The following TLE1 variants were observed in gnomAD, a reference collection of about 807,000 sequenced individuals.
TLE1 encodes TLE family member 1, transcriptional corepressor.
A neutral mutation model predicts 89.8 loss-of-function variants in TLE1; 21 were observed. The ratio of observed to expected loss-of-function variants is 0.23; its 90% CI spans 0.17 to 0.34. TLE1 has a LOEUF of 0.34. TLE1 is among the 10% of genes least tolerant of loss of function. The pLI is 1.00. For synonymous variants in TLE1, 447 were observed against 407.6 expected (o/e 1.10, Z -1.16); for missense variants, 795 against 1,031.2 (o/e 0.77, Z 3.14).
At position 81,611,968 on chromosome 9, in the gene TLE1, A is replaced by C. The variant is rs750486468; in HGVS notation, c.1064-9T>G. On this transcript the variant is annotated splice_polypyrimidine_tract_variant and intron_variant, in intron 12 of 19. Coordinates refer to ENST00000376499, the MANE Select transcript of TLE1 (RefSeq NM_005077.5). ...TGTCCTCAAGCCAGCTGCTGAAAGG[A>C]AACACAAGCCGCACATCATTCAACT... is the stretch of plus-strand genomic sequence containing the variant. 23 of 1,437,364 alleles carry C rather than the reference A, an allele frequency of 1.6e-5. No homozygotes were observed. The highest frequency in any genetic ancestry group is 1.8e-5 in the Non-Finnish European group (20 of 1,093,576). 89.0% of individuals were successfully genotyped at this position (1,437,364 alleles called of 1,614,324 possible). A position where few individuals can be genotyped will look rare whatever the true frequency, so the allele number is the denominator to read the frequency against.
chr9:81,616,452 T>C (rs182044087), intron 10 of TLE1, among the ~76,000 whole-genome samples, 194 bp downstream of exon 10: 2 of 152,342 alleles, frequency 1.3e-5, no homozygotes, highest in East Asian at 3.9e-4. Context: ...AATATCTTTT[T>C]TTAAAGGAAA....
At chr9:81,585,396 G>A in intron 18 of TLE1, 109 bp downstream of exon 18, 1 of 1,359,602 alleles carries the variant, frequency 7.4e-7, no homozygotes, top group Non-Finnish European at 1.0e-6. Context: ...ATTGCATCCA[G>A]CTGCTCGGAG....
intron 1 of TLE1, 24 bp from the exon 2 acceptor site, chr9:81,687,458 C>A (rs1298068324): frequency 6.3e-7 from 1 of 1,582,414 alleles, no homozygotes; most frequent in Admixed American, 1.7e-5. Flanking sequence ...GCGAGGGGGA[C>A]CGAGGGACGG....
intron 12 of TLE1, among the ~76,000 whole-genome samples, chr9:81,612,826 G>A (rs1014771382): frequency 6.6e-6 from 1 of 152,350 alleles, no homozygotes; most frequent in East Asian, 1.9e-4. Flanking sequence ...GGGAGGCCGA[G>A]ATGGGCAGAT....
intron 9 of TLE1, among the ~76,000 whole-genome samples, chr9:81,617,679 C>A (rs1178492021): frequency 6.6e-6 from 1 of 151,906 alleles, no homozygotes; most frequent in Non-Finnish European, 1.5e-5. Flanking sequence ...TCTGGCCTAG[C>A]CGACATAGCA....
chr9:81,685,780 C>T, intron 3 of TLE1, 53 bp downstream of exon 3: 2 of 1,612,152 alleles, frequency 1.2e-6, no homozygotes, highest in South Asian at 2.2e-5. Flanking sequence ...ACTCTGCTAA[C>T]ACGTTTGCTA....
intron 4 of TLE1, among the ~76,000 whole-genome samples, chr9:81,683,953 G>A (rs561356946): frequency 1.4e-4 from 22 of 152,084 alleles, no homozygotes; most frequent in African/African-American, 5.3e-4. Flanking sequence ...GAACCCAGAA[G>A]AATTACACAC....
intron 4 of TLE1, among the ~76,000 whole-genome samples, chr9:81,675,460 G>A (rs55688019): frequency 0.055 from 8,354 of 152,066 alleles, 344 homozygotes; most frequent in Non-Finnish European, 0.081. Context: ...GGACAGTAAT[G>A]CCTGCACATG....
chr9:81,648,623 A>G (rs994182461), intron 6 of TLE1, among the ~76,000 whole-genome samples: 15 of 152,236 alleles, frequency 9.9e-5, no homozygotes, highest in Non-Finnish European at 1.8e-4. Flanking sequence ...CAATTATTCA[A>G]TATCTATCAG....
rs920783134 is a variant in TLE1, at chr9:81,612,301, T to C, written c.1064-342A>G. 1.5e-5 allele frequency: 16 copies of C among 1,068,830 alleles called. No individual in the cohort carries two copies. The Admixed American group carries it at 4.3e-4, about 29-fold the overall frequency. 66.2% of individuals were successfully genotyped at this position (1,068,830 alleles called of 1,614,324 possible). A position where few individuals can be genotyped will look rare whatever the true frequency, so the allele number is the denominator to read the frequency against. ...GGCACCAAGTGTTTACCTGACTTAA[T>C]CTCAAAAGAAGATTTTCTCGATAAA... is the stretch of plus-strand genomic sequence containing the variant. On this transcript the variant is annotated intron_variant, in intron 12 of 19. Transcript: ENST00000376499.
chr9:81,611,940 G>A lies in TLE1; in HGVS notation c.1083C>T (p.Pro361=). 6.8e-7 allele frequency: 1 copy of A among 1,469,746 alleles called. No homozygotes were observed. Among genetic ancestry groups the A allele is most frequent in the Non-Finnish European group, 9.0e-7 (1 of 1,111,470 alleles). The allele number at this position is 1,469,746 out of a possible 1,614,324, so 91.0% of individuals were successfully genotyped here. A position where few individuals can be genotyped will look rare whatever the true frequency, so the allele number is the denominator to read the frequency against. ...CAGGATATGGGCCGGGCACTGCCAG[G>A]GGTGTCCTCAAGCCAGCTGCTGAAA... ...VNQAAAGLRT[P]LAVPGPYPAP... Residue 361 remains proline, a synonymous_variant, in exon 13 of 20, where the codon CCC becomes CCT. Transcript: ENST00000376499.
intron 8 of TLE1, among the ~76,000 whole-genome samples, chr9:81,623,312 T>G (rs1825511678): frequency 1.3e-5 from 2 of 152,160 alleles, no homozygotes; most frequent in African/African-American, 4.8e-5. Context: ...ACTTTATACA[T>G]ATTTCGAGAA....
chr9:81,585,616 C>T lies in TLE1; in HGVS notation c.2017G>A (p.Ala673Thr), dbSNP rs202236753. The part of the protein sequence containing the change: ...LGYCPTGEWL[A>T]VGMESSNVEV... ...ACATTGCTGCTCTCCATGCCCACTG[C>T]CAGCCACTCCCCGGTGGGGCAGTAC... The change falls in exon 18 of 20, where the codon GCA (alanine) becomes ACA (threonine). Residue 673 changes from alanine to threonine, a missense_variant. By Grantham distance (58) the Ala-to-Thr change is moderately conservative (BLOSUM62 0). Coordinates refer to ENST00000376499, the MANE Select transcript of TLE1 (RefSeq NM_005077.5). 213 of 1,613,994 alleles carry T rather than the reference C, an allele frequency of 1.3e-4. 1 individual carries two copies. The highest frequency in any genetic ancestry group is 7.4e-5 in the Non-Finnish European group (87 of 1,180,030).
intron 14 of TLE1, among the ~76,000 whole-genome samples, chr9:81,602,710 A>C (rs567787186): frequency 6.6e-6 from 1 of 152,298 alleles, no homozygotes; most frequent in East Asian, 1.9e-4. Context: ...GGACCTGATA[A>C]GTGCTTTACA....
intron 4 of TLE1, among the ~76,000 whole-genome samples, chr9:81,659,540 T>C (rs974344010): frequency 1.3e-5 from 2 of 152,122 alleles, no homozygotes; most frequent in African/African-American, 4.8e-5. Context: ...AGCAGCAGGA[T>C]GAAGGCTCCA....
intron 10 of TLE1, 97 bp downstream of exon 10, chr9:81,616,549 C>A: frequency 7.6e-7 from 1 of 1,320,386 alleles, no homozygotes; most frequent in Non-Finnish European, 1.1e-6. Flanking sequence ...GAGGTCCCCC[C>A]ACCGAGGGGC....
chr9:81,598,373 C>T (rs1431755586), intron 14 of TLE1, among the ~76,000 whole-genome samples: 1 of 152,152 alleles, frequency 6.6e-6, no homozygotes, highest in African/African-American at 2.4e-5. Flanking sequence ...CCTCCCTCTG[C>T]CTGCCACGAA....
At chr9:81,676,865 A>G (rs1832962938) in intron 4 of TLE1, among the ~76,000 whole-genome samples, 1 of 152,228 alleles carries the variant, frequency 6.6e-6, no homozygotes, top group Non-Finnish European at 1.5e-5. Context: ...GTGTGCTGAC[A>G]TTTCATTTTA....
At chr9:81,598,787 T>C (rs527839209) in intron 14 of TLE1, among the ~76,000 whole-genome samples, 1 of 152,212 alleles carries the variant, frequency 6.6e-6, no homozygotes, top group Admixed American at 6.5e-5. Flanking sequence ...ATGAAAGCAA[T>C]GACAATAATG....
Sources: allele counts gnomAD v4.1 joint callset (sites outside exome capture counted in the v4.1 genomes callset), GRCh38; gene constraint gnomAD v4.1.1; transcripts MANE v1.5; gene names NCBI Gene and HGNC (gene_info 2026-07-23, HGNC 2026-07-21).